Variants in RAP1GAP2 observed in about 807,000 individuals in gnomAD.
RAP1GAP2 encodes RAP1 GTPase activating protein 2, also known as rap1 GTPase-activating protein 2.
In RAP1GAP2, 27 loss-of-function variants were observed where a neutral mutation model predicts 95.0. The ratio of observed to expected loss-of-function variants is 0.28; its 90% CI spans 0.21 to 0.39. The LOEUF (loss-of-function observed/expected upper bound fraction) is 0.39. Among genes scored for constraint, RAP1GAP2 ranks in the 10% least tolerant of loss-of-function variants. The pLI, the probability that RAP1GAP2 is intolerant of heterozygous loss-of-function variation, is 1.00. For missense variants in RAP1GAP2, 771 were observed against 970.0 expected, an observed-to-expected ratio of 0.79 and a Z score of 2.72; for synonymous variants, 373 against 380.9, an observed-to-expected ratio of 0.98 and a Z score of 0.24.
intron 2 of RAP1GAP2, among the ~76,000 whole-genome samples, chr17:2,824,395 C>G (rs1346816315): frequency 6.9e-6 from 1 of 144,904 alleles, no homozygotes; most frequent in Admixed American, 7.1e-5. Flanking sequence ...TTCAGTGAAC[C>G]GAGATTGTGC....
intron 2 of RAP1GAP2, among the ~76,000 whole-genome samples, chr17:2,830,683 C>T (rs976971052): frequency 6.6e-6 from 1 of 152,102 alleles, no homozygotes; most frequent in Non-Finnish European, 1.5e-5. Context: ...CACTGCACTC[C>T]AGCCTGGGCG....
intron 2 of RAP1GAP2, among the ~76,000 whole-genome samples, chr17:2,846,437 A>G (rs1489322016): frequency 1.3e-5 from 2 of 151,870 alleles, no homozygotes; most frequent in Non-Finnish European, 2.9e-5. Flanking sequence ...TTGAGATGGA[A>G]TCTCACTCTG....
chr17:2,860,585 CTTAT>C (rs2072338654), intron 2 of RAP1GAP2, among the ~76,000 whole-genome samples: 1 of 138,210 alleles, frequency 7.2e-6, no homozygotes, highest in Non-Finnish European at 1.5e-5. Context: ...TTCCATTATA[CTTAT>C]TTATCTTTTT....
chr17:2,839,190 C>T (rs2071269315), intron 2 of RAP1GAP2, among the ~76,000 whole-genome samples: 1 of 152,060 alleles, frequency 6.6e-6, no homozygotes, highest in South Asian at 2.1e-4. Context: ...GTAATCCCAG[C>T]TGCTCGGGAG....
At chr17:2,840,726 C>T (rs1012810004) in intron 2 of RAP1GAP2, among the ~76,000 whole-genome samples, 56 of 152,100 alleles carry the variant, frequency 3.7e-4, no homozygotes, top group African/African-American at 1.3e-3. Flanking sequence ...GGCTGGGCAC[C>T]GTGGCTCACG....
intron 1 of RAP1GAP2, among the ~76,000 whole-genome samples, chr17:2,799,181 C>G (rs1167395011): frequency 6.6e-6 from 1 of 152,188 alleles, no homozygotes; most frequent in Non-Finnish European, 1.5e-5. Context: ...CTGCTCGGAT[C>G]TGGGTGTCTG....
At chr17:2,782,503 T>C (rs2068683583) in intron 1 of RAP1GAP2, among the ~76,000 whole-genome samples, 1 of 152,200 alleles carries the variant, frequency 6.6e-6, no homozygotes, top group South Asian at 2.1e-4. Context: ...CCAGTAGCCT[T>C]GGTTGGCACA....
chr17:2,856,573 A>G (rs576617395), intron 2 of RAP1GAP2, among the ~76,000 whole-genome samples: 111 of 152,310 alleles, frequency 7.3e-4, no homozygotes, highest in African/African-American at 2.5e-3. Context: ...AGTCAAGACC[A>G]GCCATGCATG....
rs79794338 is a variant in RAP1GAP2 at position 2,814,051 on chromosome 17, G to A, written c.80+13501G>A. ...AGTGGTATAAAATCTCCCCGACTCC[G>A]TTGAAAACTACTGTTCTAGGCCTAG... On this transcript the variant is annotated intron_variant, in intron 2 of 24. Coordinates refer to ENST00000254695, the MANE Select transcript of RAP1GAP2 (RefSeq NM_015085.5). Among the ~76,000 whole-genome samples, 803 of 152,238 alleles carry A rather than the reference G, an allele frequency of 5.3e-3. 4 individuals are homozygous for A. The highest frequency in any genetic ancestry group is 0.018 in the African/African-American group (746 of 41,550).
chr17:2,835,282 C>A (rs144919174), intron 2 of RAP1GAP2, among the ~76,000 whole-genome samples: 1 of 150,790 alleles, frequency 6.6e-6, no homozygotes, highest in African/African-American at 2.4e-5. Flanking sequence ...TGCATTGGCA[C>A]GATCTTGGCT....
At chr17:2,922,832 G>GTTTTTT (rs1182641512) in intron 3 of RAP1GAP2, among the ~76,000 whole-genome samples, 14 of 75,032 alleles carry the variant, frequency 1.9e-4, no homozygotes, top group Non-Finnish European at 1.8e-4. Flanking sequence ...TTTTGTTTTT[G>GTTTTTT]TTTTTTTTTT....
intron 2 of RAP1GAP2, among the ~76,000 whole-genome samples, chr17:2,886,171 ATT>A (rs564574824): frequency 2.3e-3 from 289 of 123,342 alleles, no homozygotes; most frequent in Non-Finnish European, 3.6e-3. Flanking sequence ...GTATATATAT[ATT>A]TTTTTTTTTT....
chr17:2,913,455 A>G (rs1380884629), intron 3 of RAP1GAP2, among the ~76,000 whole-genome samples: 1 of 151,772 alleles, frequency 6.6e-6, no homozygotes, highest in Admixed American at 6.6e-5. Flanking sequence ...TGCCCAGCTA[A>G]TTTTTGTATT....
At position 2,800,317 on chromosome 17, in the gene RAP1GAP2, G is replaced by A. The variant is rs546310716; in HGVS notation, c.45-198G>A. The A allele has an allele frequency of 1.1e-5, 9 of 839,114 alleles. No individual in the cohort carries two copies. The South Asian group carries it at 3.3e-4, about 30-fold the overall frequency. The allele number at this position is 839,114 out of a possible 1,614,324, so 52.0% of individuals were successfully genotyped here. A position where few individuals can be genotyped will look rare whatever the true frequency, so the allele number is the denominator to read the frequency against. ...GAGAATAATAATACGCATGTTGTAG[G>A]GTGGTGTGTGGCCCCAGCTCTCCCA... is the stretch of plus-strand genomic sequence containing the variant. On this transcript the variant is annotated intron_variant, in intron 1 of 24. Coordinates refer to ENST00000254695, the MANE Select transcript of RAP1GAP2 (RefSeq NM_015085.5).
Position 3,037,377 on chromosome 17 carries a change from C to T in RAP1GAP2, c.*4016C>T, listed in dbSNP as rs11552060. 29 of 54,900 alleles carry T rather than the reference C, an allele frequency of 5.3e-4. 4 individuals carry two copies. Among genetic ancestry groups the T allele is most frequent in the African/African-American group, 1.0e-3 (25 of 24,606 alleles). The allele number at this position is 54,900 out of a possible 1,614,324, so 3.4% of individuals were successfully genotyped here. ...GAAGTGTGAACTACCCCCCCCCCCC[C>T]GCTTCCTGCTCCTTAGCATGCGTGC... is the stretch of plus-strand genomic sequence containing the variant. On this transcript the variant is annotated 3_prime_UTR_variant, in exon 25 of 25. Transcript: ENST00000254695.
At chr17:2,861,524 A>G (rs940126256) in intron 2 of RAP1GAP2, among the ~76,000 whole-genome samples, 1 of 149,350 alleles carries the variant, frequency 6.7e-6, no homozygotes, top group East Asian at 2.0e-4. Flanking sequence ...CTGGAGTGCA[A>G]TGGCGTGATC....
At chr17:2,835,195 T>C (rs1282389661) in intron 2 of RAP1GAP2, among the ~76,000 whole-genome samples, 1 of 148,904 alleles carries the variant, frequency 6.7e-6, no homozygotes, top group Non-Finnish European at 1.5e-5. Context: ...GTGCTGAAAT[T>C]ACAGGCATGA....
At position 2,963,786 on chromosome 17, in the gene RAP1GAP2, G is replaced by A; in HGVS notation, c.280-70G>A. 2 of 1,351,718 alleles carry A rather than the reference G, an allele frequency of 1.5e-6. No individual in the cohort carries two copies. Among genetic ancestry groups the A allele is most frequent in the Non-Finnish European group, 2.0e-6 (2 of 989,804 alleles). The allele number at this position is 1,351,718 out of a possible 1,614,324, so 83.7% of individuals were successfully genotyped here. A position where few individuals can be genotyped will look rare whatever the true frequency, so the allele number is the denominator to read the frequency against. On this transcript the variant is annotated intron_variant, in intron 6 of 24. Coordinates refer to ENST00000254695, the MANE Select transcript of RAP1GAP2 (RefSeq NM_015085.5). The surrounding 1 kb of genome is among the most constrained non-coding windows in gnomAD (Gnocchi z 4.8). ...CCCACTCCTGGGAGCAGCGCAGAGG[G>A]GACACCGCCACCGGCCCCCTCCCTC...
At chr17:2,909,067 G>C (rs192316392) in intron 3 of RAP1GAP2, among the ~76,000 whole-genome samples, 1 of 152,146 alleles carries the variant, frequency 6.6e-6, no homozygotes, top group African/African-American at 2.4e-5. Context: ...ATTCTGTGCT[G>C]GAGGTAAACA....
Sources: gnomAD v4.1 joint callset for allele counts (sites outside exome capture counted in the v4.1 genomes callset) on GRCh38, gnomAD v4.1.1 for gene constraint, Gnocchi (gnomAD v3.1) non-coding constraint, MANE v1.5 for transcripts, NCBI Gene and HGNC (gene_info 2026-07-23, HGNC 2026-07-21) for gene names.